SLC1A3: variants seen among roughly 807,000 people sequenced by gnomAD.
SLC1A3 encodes excitatory amino acid transporter 1.
Under a neutral mutation model 48.1 loss-of-function variants are expected in SLC1A3, and 21 were observed. The ratio of observed to expected loss-of-function variants is 0.44; its 90% CI spans 0.31 to 0.63. The LOEUF is 0.63. Ranked by LOEUF, SLC1A3 falls within the 20% of genes least tolerant of loss-of-function variation. The probability of loss-of-function intolerance (pLI) is 0.08; values close to 1 mark genes in which losing one functional copy is unlikely to be tolerated. For synonymous variants in SLC1A3, 239 were observed against 251.4 expected (o/e 0.95, Z 0.47); for missense variants, 546 against 689.0 (o/e 0.79, Z 2.32).
intron 3 of SLC1A3, among the ~76,000 whole-genome samples, chr5:36,631,156 C>T (rs955493987): frequency 1.3e-5 from 2 of 152,146 alleles, no homozygotes; most frequent in African/African-American, 4.8e-5. Context: ...ATACACAAAC[C>T]GAGGGGTTCT....
intron 5 of SLC1A3, 69 bp from the exon 6 acceptor site, chr5:36,676,823 G>C: frequency 8.2e-7 from 1 of 1,224,918 alleles, no homozygotes. Context: ...TAGAAAATTT[G>C]ACAATAGGAA....
At position 36,599,105 on chromosome 5, in the gene SLC1A3, AG is replaced by A. The variant is rs1738775936; in HGVS notation, c.-96+2428del. On this transcript the variant is annotated intron_variant, in intron 1 of 9. Transcript: ENST00000680318. Reference sequence around the variant, plus strand: ...TCTCAAATCCTACTAACTCTATTCAAGTGCTCAATGGTTACATGTGGCTAGT... The same window carrying A: ...TCTCAAATCCTACTAACTCTATTCAATGCTCAATGGTTACATGTGGCTAGT... 2.0e-5 allele frequency among the ~76,000 whole-genome samples: 3 copies of A among 152,352 alleles called. No individual in the cohort carries two copies. In the South Asian group the frequency reaches 6.2e-4, roughly 32 times the overall value.
chr5:36,628,836 G>T (rs1252054436), intron 2 of SLC1A3, among the ~76,000 whole-genome samples: 2 of 152,062 alleles, frequency 1.3e-5, no homozygotes, highest in Non-Finnish European at 2.9e-5. Context: ...GCTCATTTTG[G>T]AGTCTTCTCT....
At chr5:36,632,478 G>T (rs1248902822) in intron 3 of SLC1A3, among the ~76,000 whole-genome samples, 1 of 152,192 alleles carries the variant, frequency 6.6e-6, no homozygotes, top group Non-Finnish European at 1.5e-5. Context: ...TAAACAAATT[G>T]CTATTGGAAA....
intron 3 of SLC1A3, among the ~76,000 whole-genome samples, chr5:36,665,652 A>G (rs571566647): frequency 1.3e-5 from 2 of 152,314 alleles, no homozygotes; most frequent in African/African-American, 4.8e-5. Context: ...TTCTATATGG[A>G]AGCCCCTTTA....
At chr5:36,597,083 T>A (rs888685954) in intron 1 of SLC1A3, among the ~76,000 whole-genome samples, 1 of 152,052 alleles carries the variant, frequency 6.6e-6, no homozygotes, top group Admixed American at 6.6e-5. Flanking sequence ...GATTGGGTAA[T>A]TCTTGGAAGG....
intron 2 of SLC1A3, among the ~76,000 whole-genome samples, chr5:36,619,938 T>C (rs1435324872): frequency 6.6e-6 from 1 of 152,254 alleles, no homozygotes. Context: ...AACATGGTTC[T>C]TTTAAACTCA....
chr5:36,675,592 G>A (rs1346792902), intron 5 of SLC1A3, among the ~76,000 whole-genome samples: 1 of 152,200 alleles, frequency 6.6e-6, no homozygotes, highest in Admixed American at 6.5e-5. Context: ...AGAGTCTAAG[G>A]GGAATGAGTT....
At chr5:36,647,389 T>TC (rs1740880526) in intron 3 of SLC1A3, among the ~76,000 whole-genome samples, 1 of 152,250 alleles carries the variant, frequency 6.6e-6, no homozygotes, top group Non-Finnish European at 1.5e-5. Context: ...GCCATGAATT[T>TC]CTCTGGAGTA....
chr5:36,665,225 A>G (rs553340655), intron 3 of SLC1A3, among the ~76,000 whole-genome samples: 1 of 152,208 alleles, frequency 6.6e-6, no homozygotes, highest in Non-Finnish European at 1.5e-5. Flanking sequence ...GTTAGAAAAA[A>G]AAAAAAAGCA....
At chr5:36,664,846 T>C (rs1477946798) in intron 3 of SLC1A3, among the ~76,000 whole-genome samples, 1 of 152,204 alleles carries the variant, frequency 6.6e-6, no homozygotes, top group Non-Finnish European at 1.5e-5. Context: ...GGAAATATGT[T>C]AGCAAAACAG....
chr5:36,685,172 T>G (rs1263745639), intron 9 of SLC1A3, among the ~76,000 whole-genome samples: 1 of 152,234 alleles, frequency 6.6e-6, no homozygotes, highest in Admixed American at 6.5e-5. Context: ...TAAAATAAAA[T>G]AATGGAATGA....
intron 8 of SLC1A3, 58 bp from the exon 9 acceptor site, chr5:36,683,806 A>G (rs1211405645): frequency 6.2e-7 from 1 of 1,604,610 alleles, no homozygotes. Flanking sequence ...TGCAGCGTAT[A>G]TGCTCTACGT....
Position 36,682,518 on chromosome 5 carries a change from T to TA in SLC1A3, c.1290-1336dup, listed in dbSNP as rs540185646. On this transcript the variant is annotated intron_variant, in intron 8 of 9. Coordinates refer to ENST00000265113, the MANE Select transcript of SLC1A3 (RefSeq NM_004172.5). The stretch of plus-strand genomic sequence containing the variant: ...TATTGATTGAAAGGCTCTGGGTTAT[T>TA]AAAAAAAAAAGGTGACAGAGTTAAA... Among the ~76,000 whole-genome samples, 148 of 147,118 alleles carry TA rather than the reference T, an allele frequency of 1.0e-3. 1 individual carries two copies. The highest frequency in any genetic ancestry group is 2.3e-3 in the African/African-American group (93 of 40,272).
rs566092744 is a variant in SLC1A3, at chr5:36,600,401, A to G, written c.-96+3723A>G. Among the ~76,000 whole-genome samples the G allele has an allele frequency of 5.3e-5, 8 of 152,306 alleles. No individual in the cohort carries two copies. The East Asian group carries it at 1.5e-3, about 29-fold the overall frequency. On this transcript the variant is annotated intron_variant, in intron 1 of 9. Coordinates refer to the SLC1A3 transcript ENST00000680318. ...GTATTTGCCCAACCTTGCACCACTC[A>G]GGTCTCCTGACCCCCAGTCTCCATG...
chr5:36,644,727 A>G (rs1366006298), intron 3 of SLC1A3, among the ~76,000 whole-genome samples: 1 of 152,224 alleles, frequency 6.6e-6, no homozygotes, highest in African/African-American at 2.4e-5. Flanking sequence ...TTTGAGTTAG[A>G]TAGCTGCTCC....
chr5:36,639,231 C>T (rs1740515392), intron 3 of SLC1A3, among the ~76,000 whole-genome samples: 1 of 152,182 alleles, frequency 6.6e-6, no homozygotes, highest in East Asian at 1.9e-4. Context: ...TCTTTATCTA[C>T]ACGATGGGGA....
intron 3 of SLC1A3, among the ~76,000 whole-genome samples, chr5:36,645,319 C>CTTTT (rs68027582): frequency 0.015 from 1,241 of 84,294 alleles, 447 homozygotes; most frequent in South Asian, 0.027. Flanking sequence ...CTTCCGCTGC[C>CTTTT]TTTTTTTTTT....
intron 2 of SLC1A3, among the ~76,000 whole-genome samples, chr5:36,623,632 G>A (rs1739777983): frequency 6.7e-6 from 1 of 150,124 alleles, no homozygotes; most frequent in East Asian, 2.0e-4. Context: ...GAGGTGGGTG[G>A]ATCACAAGGT....
Sources: gnomAD v4.1 joint callset for allele counts (sites outside exome capture counted in the v4.1 genomes callset) on GRCh38, gnomAD v4.1.1 for gene constraint, MANE v1.5 for transcripts, NCBI Gene and HGNC (gene_info 2026-07-23, HGNC 2026-07-21) for gene names.